The following TRMT11 variants were observed in gnomAD, a reference collection of about 807,000 sequenced individuals.
The protein encoded by TRMT11 is tRNA methyltransferase 11.
In TRMT11, 53 loss-of-function variants were observed where a neutral mutation model predicts 62.8. The observed-to-expected ratio is 0.84, with a 90% CI of 0.68 to 1.06. TRMT11 has a LOEUF of 1.06. TRMT11 is among the 50% of genes least tolerant of loss of function. The pLI is 0.00. For missense variants in TRMT11, 556 were observed against 553.4 expected, an observed-to-expected ratio of 1.00 and a Z score of -0.05; for synonymous variants, 188 against 190.3, an observed-to-expected ratio of 0.99 and a Z score of 0.10.
At chr6:126,129,980 G>T (rs1443931909) in intron 21 of TRMT11, among the ~76,000 whole-genome samples, 2 of 152,090 alleles carry the variant, frequency 1.3e-5, no homozygotes, top group African/African-American at 4.8e-5. Context: ...TAGTACAATA[G>T]ATGGAGACAC....
chr6:126,222,378 G>A, the TRMT11 span, among the ~76,000 whole-genome samples: 1 of 151,956 alleles, frequency 6.6e-6, no homozygotes. Flanking sequence ...GATAAAAATA[G>A]CATTGAATCT....
At chr6:126,088,551 G>A (rs769101441) in intron 17 of TRMT11, among the ~76,000 whole-genome samples, 11 of 152,174 alleles carry the variant, frequency 7.2e-5, no homozygotes, top group South Asian at 4.1e-4. Context: ...TTGAACACCA[G>A]GGCAAATCTA....
chr6:126,048,645 T>A (rs1367367337), intron 16 of TRMT11, among the ~76,000 whole-genome samples: 1 of 152,178 alleles, frequency 6.6e-6, no homozygotes, highest in African/African-American at 2.4e-5. Flanking sequence ...TGGCAACACA[T>A]CCGCTGTTAT....
intron 11 of TRMT11, among the ~76,000 whole-genome samples, chr6:126,015,164 T>C (rs1794802017): frequency 6.6e-6 from 1 of 152,082 alleles, no homozygotes; most frequent in South Asian, 2.1e-4. Flanking sequence ...TCTCTACCCT[T>C]ATCCAGATTT....
chr6:126,050,949 T>C (rs1302699116), intron 16 of TRMT11, among the ~76,000 whole-genome samples: 1 of 152,150 alleles, frequency 6.6e-6, no homozygotes, highest in East Asian at 1.9e-4. Context: ...CTTCAGTAGT[T>C]GTAGAGATAA....
At chr6:126,203,176 C>A (rs1778755955), downstream of TRMT11, among the ~76,000 whole-genome samples, 1 of 152,126 alleles carries the variant, frequency 6.6e-6, no homozygotes, top group Non-Finnish European at 1.5e-5. Flanking sequence ...CTCAGAAGGC[C>A]CCATGTTTTG....
intron 21 of TRMT11, among the ~76,000 whole-genome samples, chr6:126,135,889 G>A (rs1342987819): frequency 6.6e-5 from 10 of 151,708 alleles, no homozygotes. Flanking sequence ...CAAAATCCAT[G>A]TGATAATTTT....
intron 16 of TRMT11, among the ~76,000 whole-genome samples, chr6:126,051,664 C>T (rs921260165): frequency 1.3e-5 from 2 of 152,062 alleles, no homozygotes; most frequent in Non-Finnish European, 2.9e-5. Context: ...CAGGCAGGTC[C>T]TGGTAGTTGG....
At chr6:126,269,263 CAAAAAAAAAAAA>C in the TRMT11 span, among the ~76,000 whole-genome samples, 25 of 68,858 alleles carry the variant, frequency 3.6e-4, no homozygotes, top group Admixed American at 6.1e-4. Flanking sequence ...GACTCCGTCT[CAAAAAAAAAAAA>C]AAAAAAAAAA....
chr6:126,189,840 GTTAT>G (rs1037642149), intron 1 of TRMT11, among the ~76,000 whole-genome samples: 22 of 151,940 alleles, frequency 1.4e-4, no homozygotes, highest in African/African-American at 4.3e-4. Context: ...TTTTTAAAAA[GTTAT>G]TTATTTCAGA....
chr6:126,268,740 T>C, the TRMT11 span, among the ~76,000 whole-genome samples: 1 of 152,178 alleles, frequency 6.6e-6, no homozygotes, highest in Non-Finnish European at 1.5e-5. Flanking sequence ...TCCAAGTTAC[T>C]TATTAATTAC....
the TRMT11 span, among the ~76,000 whole-genome samples, chr6:126,271,293 G>GGT: frequency 6.7e-6 from 1 of 149,210 alleles, no homozygotes; most frequent in Non-Finnish European, 1.5e-5. Context: ...GAACCCGGGA[G>GGT]GTGGAGGTTG....
the TRMT11 span, among the ~76,000 whole-genome samples, chr6:126,243,852 G>A: frequency 6.6e-6 from 1 of 151,968 alleles, no homozygotes; most frequent in African/African-American, 2.4e-5. Flanking sequence ...TTCATGGGTG[G>A]AGCAAGCCAA....
At chr6:126,162,829 G>A (rs192038084) in intron 21 of TRMT11, among the ~76,000 whole-genome samples, 211 of 152,284 alleles carry the variant, frequency 1.4e-3, no homozygotes, top group African/African-American at 4.9e-3. Context: ...TAGCAATTGT[G>A]AATAGGAGTT....
chr6:126,170,324 T>C (rs1778316374), intron 21 of TRMT11, among the ~76,000 whole-genome samples: 1 of 152,168 alleles, frequency 6.6e-6, no homozygotes, highest in African/African-American at 2.4e-5. Flanking sequence ...ACCCTCTCCC[T>C]AGTTTATTTA....
intron 1 of TRMT11, among the ~76,000 whole-genome samples, chr6:126,191,195 T>G (rs1421829281): frequency 6.6e-6 from 1 of 152,190 alleles, no homozygotes; most frequent in Admixed American, 6.6e-5. Flanking sequence ...TGACTAGTCA[T>G]GTTGAGCACT....
the TRMT11 span, among the ~76,000 whole-genome samples, chr6:126,237,326 A>G: frequency 6.6e-6 from 1 of 152,148 alleles, no homozygotes; most frequent in Non-Finnish European, 1.5e-5. Flanking sequence ...GTCTATCTCC[A>G]TCTCCTCTGC....
intron 17 of TRMT11, among the ~76,000 whole-genome samples, chr6:126,063,948 G>A (rs774234516): frequency 9.8e-5 from 15 of 152,288 alleles, no homozygotes; most frequent in African/African-American, 2.4e-4. Context: ...GAAGTGGGCC[G>A]AGGAAGGACC....
chr6:126,241,899 C>A, the TRMT11 span, among the ~76,000 whole-genome samples: 1 of 152,176 alleles, frequency 6.6e-6, no homozygotes, highest in African/African-American at 2.4e-5. Context: ...TCTCTCACCA[C>A]TCCTATTCAA....
Sources: gnomAD v4.1 joint callset for allele counts (sites outside exome capture counted in the v4.1 genomes callset) on GRCh38, gnomAD v4.1.1 for gene constraint, MANE v1.5 for transcripts, NCBI Gene and HGNC (gene_info 2026-07-23, HGNC 2026-07-21) for gene names.